The following ERO1B variants were observed in gnomAD, a reference collection of about 807,000 sequenced individuals.
ERO1B encodes the protein endoplasmic reticulum oxidoreductase 1 beta.
A neutral mutation model predicts 75.3 loss-of-function variants in ERO1B; 49 were observed. That is an observed-to-expected ratio of 0.65 (90% CI 0.52 to 0.83). ERO1B has a LOEUF of 0.83. Among genes scored for constraint, ERO1B ranks in the 40% least tolerant of loss-of-function variants. The probability of loss-of-function intolerance (pLI) is 0.00; values close to 1 mark genes in which losing one functional copy is unlikely to be tolerated. For missense variants in ERO1B, 512 were observed against 560.1 expected (o/e 0.91, Z 0.87); for synonymous variants, 191 against 192.9 (o/e 0.99, Z 0.08).
intron 2 of ERO1B, among the ~76,000 whole-genome samples, chr1:236,257,976 G>A (rs1319548082): frequency 2.0e-5 from 3 of 151,354 alleles, no homozygotes; most frequent in African/African-American, 4.9e-5. Flanking sequence ...GTACCAGAAG[G>A]AGAAGAAAGA....
At chr1:236,264,220 C>T (rs1172530837) in intron 2 of ERO1B, among the ~76,000 whole-genome samples, 14 of 152,088 alleles carry the variant, frequency 9.2e-5, no homozygotes, top group African/African-American at 3.1e-4. Flanking sequence ...CATGCCTCTG[C>T]CTGCCCCCCA....
chr1:236,220,654 T>C, intron 15 of ERO1B, 178 bp downstream of exon 15: 2 of 467,576 alleles, frequency 4.3e-6, no homozygotes, highest in East Asian at 3.7e-5. Flanking sequence ...TAGTTTTTCC[T>C]ATGACCTGTA....
At chr1:236,244,690 G>A (rs969096818) in intron 5 of ERO1B, among the ~76,000 whole-genome samples, 1 of 152,064 alleles carries the variant, frequency 6.6e-6, no homozygotes, top group African/African-American at 2.4e-5. Context: ...CCTAACCCCT[G>A]CCTAAAACCA....
intron 2 of ERO1B, chr1:236,267,901 T>C (rs1198574344): frequency 6.6e-6 from 1 of 151,516 alleles, no homozygotes; most frequent in Non-Finnish European, 1.5e-5. Context: ...AGGAGCTTGC[T>C]CCATCCACTC....
chr1:236,248,542 T>C (rs1411146608), intron 5 of ERO1B, among the ~76,000 whole-genome samples: 1 of 152,204 alleles, frequency 6.6e-6, no homozygotes, highest in Non-Finnish European at 1.5e-5. Flanking sequence ...TATGGGATAT[T>C]TATATGATGA....
At chr1:236,229,972 T>C (rs1419579124) in intron 10 of ERO1B, among the ~76,000 whole-genome samples, 1 of 152,200 alleles carries the variant, frequency 6.6e-6, no homozygotes, top group Non-Finnish European at 1.5e-5. Flanking sequence ...GAAATAAGAT[T>C]AGGGAACCAG....
chr1:236,247,603 C>G (rs1267239484), intron 5 of ERO1B, among the ~76,000 whole-genome samples: 1 of 152,158 alleles, frequency 6.6e-6, no homozygotes, highest in African/African-American at 2.4e-5. Flanking sequence ...CCCTTAACTC[C>G]TCTGTTCAAA....
chr1:236,239,338 C>T (rs1664624445), intron 6 of ERO1B, among the ~76,000 whole-genome samples: 1 of 152,114 alleles, frequency 6.6e-6, no homozygotes, highest in Admixed American at 6.6e-5. Context: ...TTACATACTG[C>T]TTTCACACTA....
chr1:236,256,184 C>T (rs1310186564), intron 2 of ERO1B, among the ~76,000 whole-genome samples: 5 of 152,224 alleles, frequency 3.3e-5, no homozygotes, highest in Non-Finnish European at 7.3e-5. Context: ...GCACCCTCTG[C>T]GCTTTCTTCC....
chr1:236,258,030 T>C (rs1572058957), intron 2 of ERO1B, among the ~76,000 whole-genome samples: 1 of 150,746 alleles, frequency 6.6e-6, no homozygotes, highest in East Asian at 1.9e-4. Context: ...GGCAGAACAC[T>C]TTCCAAGTCT....
intron 2 of ERO1B, among the ~76,000 whole-genome samples, chr1:236,254,465 C>G (rs1225937111): frequency 6.6e-6 from 1 of 152,174 alleles, no homozygotes; most frequent in African/African-American, 2.4e-5. Context: ...TTCCCATCAC[C>G]CTTAGAGTTT....
chr1:236,275,312 G>C (rs1256438572), intron 1 of ERO1B, among the ~76,000 whole-genome samples: 1 of 152,206 alleles, frequency 6.6e-6, no homozygotes, highest in Admixed American at 6.5e-5. Flanking sequence ...GCTATCAATT[G>C]TGGGTTCCTA....
rs1193896278 is a variant in ERO1B, at chr1:236,253,426, G to C, written c.302C>G (p.Pro101Arg). 6.3e-7 allele frequency: 1 copy of C among 1,599,316 alleles called. No individual in the cohort carries two copies. The highest frequency in any genetic ancestry group is 8.6e-7 in the Non-Finnish European group (1 of 1,168,316). ...CTGTTATTTTATTTATTATACCTCT[G>C]GACAGGGCTCCACATGACAGTCTTT... ...SIKDCHVEPC[P>R]ESKIPVGIKA... The change falls in exon 3 of 16, where the codon CCA becomes CGA. Residue 101 changes from proline (P) to arginine (R), a missense_variant. Coordinates refer to ENST00000354619, the MANE Select transcript of ERO1B (RefSeq NM_019891.4).
At position 236,216,186 on chromosome 1, in the gene ERO1B, TG is replaced by T. The variant is rs2102934207; in HGVS notation, c.*2329del. 6.6e-6 allele frequency: 1 copy of T among 152,228 alleles called. No homozygotes were observed. Among genetic ancestry groups the T allele is most frequent in the African/African-American group, 2.4e-5 (1 of 41,562 alleles). The allele number at this position is 152,228 out of a possible 1,614,324, so 9.4% of individuals were successfully genotyped here. A position where few individuals can be genotyped will look rare whatever the true frequency, so the allele number is the denominator to read the frequency against. ...TTCTTCATTTTCATTACTTCATCAG[TG>T]GGTACAATCATTTCTGTCAGTTATA... On this transcript the variant is annotated 3_prime_UTR_variant, in exon 16 of 16. Transcript: ENST00000354619.
chr1:236,269,879 T>A lies in ERO1B; in HGVS notation c.218A>T (p.Tyr73Phe), dbSNP rs1367422887. The change falls in exon 2 of 16, where the codon TAC (tyrosine) becomes TTC (phenylalanine). Residue 73 changes from tyrosine to phenylalanine, a missense_variant. Transcript: ENST00000354619. Reference protein sequence around the residue: ...KLQERDYFRYYKVNLKRPCPF... With the variant: ...KLQERDYFRYFKVNLKRPCPF... The stretch of plus-strand genomic sequence containing the variant: ...AATAAAAAATTACAACCTTACCTTG[T>A]AATAACGAAAATAGTCTCTCTCTTG... 6.3e-7 allele frequency: 1 copy of A among 1,586,396 alleles called. No homozygotes were observed. The highest frequency in any genetic ancestry group is 2.2e-5 in the East Asian group (1 of 44,656).
In ERO1B at chr1:236,250,082, C is replaced by A. The variant is rs1044113228; in HGVS notation, c.349-115G>T. The A allele has an allele frequency of 4.0e-5, 22 of 551,530 alleles. No homozygotes were observed. In the East Asian group the frequency reaches 7.5e-4, roughly 19 times the overall value. The allele number at this position is 551,530 out of a possible 1,614,324, so 34.2% of individuals were successfully genotyped here. A position where few individuals can be genotyped will look rare whatever the true frequency, so the allele number is the denominator to read the frequency against. On this transcript the variant is annotated intron_variant, in intron 4 of 15. Coordinates refer to ENST00000354619, the MANE Select transcript of ERO1B (RefSeq NM_019891.4). ...ATATACACTAAATATACATACATTC[C>A]ATTATAAAAATCCCTATCATATGTA...
intron 6 of ERO1B, among the ~76,000 whole-genome samples, chr1:236,237,116 CTTTT>C (rs67072171): frequency 0.018 from 1,845 of 105,396 alleles, 32 homozygotes; most frequent in African/African-American, 0.057. Flanking sequence ...ACTATTTGGA[CTTTT>C]TTTTTTTTTT....
intron 1 of ERO1B, among the ~76,000 whole-genome samples, chr1:236,275,444 T>C (rs188309803): frequency 8.5e-5 from 13 of 152,318 alleles, no homozygotes; most frequent in South Asian, 4.1e-4. Flanking sequence ...AAGAGATGCA[T>C]TGGGCAAGCT....
intron 6 of ERO1B, 65 bp downstream of exon 6, chr1:236,243,357 G>T: frequency 1.8e-6 from 2 of 1,133,734 alleles, no homozygotes; most frequent in South Asian, 1.6e-5. Context: ...TATTTTCATT[G>T]ATTAAAATGT....
Sources: allele counts gnomAD v4.1 joint callset (sites outside exome capture counted in the v4.1 genomes callset), GRCh38; gene constraint gnomAD v4.1.1; transcripts MANE v1.5; gene names NCBI Gene and HGNC (gene_info 2026-07-23, HGNC 2026-07-21).